MARCHF1: variants seen among roughly 807,000 people sequenced by gnomAD.
MARCHF1 encodes the protein membrane associated ring-CH-type finger 1, also known as E3 ubiquitin-protein ligase MARCHF1.
A neutral mutation model predicts 54.2 loss-of-function variants in MARCHF1; 40 were observed. The observed-to-expected ratio is 0.74, with a 90% CI of 0.57 to 0.96. The LOEUF (loss-of-function observed/expected upper bound fraction) is 0.96, where lower values mean the gene tolerates loss of function less well. Among genes scored for constraint, MARCHF1 ranks in the 40% least tolerant of loss-of-function variants. MARCHF1 has a pLI of 0.00. For synonymous variants in MARCHF1, 236 were observed against 236.3 expected (o/e 1.00, Z 0.01); for missense variants, 586 against 656.5 (o/e 0.89, Z 1.17).
chr4:163,981,218 AGCAT>A (rs1202621292), intron 3 of MARCHF1, among the ~76,000 whole-genome samples: 7 of 152,084 alleles, frequency 4.6e-5, no homozygotes, highest in Non-Finnish European at 7.4e-5. Context: ...TAAAGAATGC[AGCAT>A]GTTGCTTTGT....
intron 3 of MARCHF1, among the ~76,000 whole-genome samples, chr4:163,872,991 C>T (rs551837204): frequency 4.4e-4 from 67 of 152,088 alleles, no homozygotes; most frequent in African/African-American, 1.5e-3. Context: ...TTGCAGTGAG[C>T]CGAGATCGCG....
At chr4:164,005,034 T>C (rs982111913) in intron 2 of MARCHF1, among the ~76,000 whole-genome samples, 3 of 151,482 alleles carry the variant, frequency 2.0e-5, no homozygotes, top group African/African-American at 7.3e-5. Flanking sequence ...TGCAGAAAAT[T>C]AGTACAACCA....
chr4:163,751,861 A>G (rs1746531767), intron 4 of MARCHF1, among the ~76,000 whole-genome samples: 1 of 151,686 alleles, frequency 6.6e-6, no homozygotes, highest in African/African-American at 2.4e-5. Context: ...TGCAGGATGT[A>G]TATGGAAGAA....
chr4:163,904,127 T>C lies in MARCHF1; in HGVS notation c.-38-49958A>G, dbSNP rs962505447. 2.0e-5 allele frequency among the ~76,000 whole-genome samples: 3 copies of C among 152,198 alleles called. No individual in the cohort carries two copies. The East Asian group carries it at 5.8e-4, about 29-fold the overall frequency. On this transcript the variant is annotated intron_variant, in intron 3 of 9. Transcript: ENST00000514618. Reference sequence around the variant, plus strand: ...TGTGACTAATAATATTCCATTTGGCTAATAATATTTTCTGTCTAAAATTAC... The same window carrying C: ...TGTGACTAATAATATTCCATTTGGCCAATAATATTTTCTGTCTAAAATTAC...
At chr4:163,572,472 C>T (rs1739874390) in intron 8 of MARCHF1, among the ~76,000 whole-genome samples, 1 of 152,020 alleles carries the variant, frequency 6.6e-6, no homozygotes, top group African/African-American at 2.4e-5. Flanking sequence ...AAGTGCAGAA[C>T]CAGAATTAAA....
intron 5 of MARCHF1, among the ~76,000 whole-genome samples, chr4:163,667,754 T>C (rs908318904): frequency 2.6e-5 from 4 of 151,882 alleles, no homozygotes; most frequent in Non-Finnish European, 4.4e-5. Context: ...GCCTCCCGAG[T>C]AACTGGAATT....
chr4:163,944,706 T>C (rs1214741479), intron 3 of MARCHF1, among the ~76,000 whole-genome samples: 1 of 152,176 alleles, frequency 6.6e-6, no homozygotes, highest in African/African-American at 2.4e-5. Context: ...ACTGAGGTAA[T>C]AGAAATGTAA....
intron 4 of MARCHF1, among the ~76,000 whole-genome samples, chr4:163,733,258 T>TATACACATATATATATATAC (rs1554008879): frequency 4.4e-5 from 2 of 45,060 alleles, no homozygotes; most frequent in African/African-American, 1.3e-4. Context: ...TATATATATA[T>TATACACATATATATATATAC]ACACACACAC....
intron 7 of MARCHF1, among the ~76,000 whole-genome samples, chr4:163,605,925 A>T (rs951723169): frequency 6.6e-6 from 1 of 152,016 alleles, no homozygotes. Flanking sequence ...GGGCTAGGGG[A>T]GGGATGGCAT....
intron 3 of MARCHF1, among the ~76,000 whole-genome samples, chr4:163,883,424 A>C (rs10030506): frequency 0.96 from 145,253 of 150,686 alleles, 70,238 homozygotes; most frequent in East Asian, 1. Context: ...TTCTGAACTG[A>C]ATTCTTTATT....
intron 2 of MARCHF1, among the ~76,000 whole-genome samples, chr4:164,095,990 T>C (rs1755402116): frequency 6.6e-6 from 1 of 152,122 alleles, no homozygotes; most frequent in Non-Finnish European, 1.5e-5. Context: ...GTTAAGCCAC[T>C]GTGGAAAGCA....
intron 4 of MARCHF1, among the ~76,000 whole-genome samples, chr4:163,731,639 T>C (rs575105822): frequency 3.2e-4 from 49 of 152,202 alleles, no homozygotes; most frequent in African/African-American, 1.2e-3. Flanking sequence ...GCTCCAGAGA[T>C]CTGCAGGAGA....
chr4:164,084,514 GAAT>G (rs1560896478), intron 2 of MARCHF1, among the ~76,000 whole-genome samples: 4 of 151,824 alleles, frequency 2.6e-5, no homozygotes, highest in East Asian at 3.9e-4. Context: ...TTTATTTGTA[GAAT>G]AATGTCATTA....
At chr4:164,334,747 T>C (rs181929193) in intron 1 of MARCHF1, among the ~76,000 whole-genome samples, 1 of 152,366 alleles carries the variant, frequency 6.6e-6, no homozygotes, top group Admixed American at 6.5e-5. Context: ...ATTCCTTTGA[T>C]GGATCTGGGC....
chr4:163,923,080 A>G (rs1472368067), intron 3 of MARCHF1, among the ~76,000 whole-genome samples: 1 of 152,200 alleles, frequency 6.6e-6, no homozygotes, highest in African/African-American at 2.4e-5. Flanking sequence ...AAAAGTTGTT[A>G]AAATATGTGT....
At chr4:164,241,135 G>C (rs1579650566) in intron 1 of MARCHF1, among the ~76,000 whole-genome samples, 1 of 152,148 alleles carries the variant, frequency 6.6e-6, no homozygotes, top group Non-Finnish European at 1.5e-5. Flanking sequence ...CCAAGGAACT[G>C]ACTCAACTCG....
chr4:163,586,295 T>C (rs980884358), intron 7 of MARCHF1, among the ~76,000 whole-genome samples: 3 of 152,158 alleles, frequency 2.0e-5, no homozygotes, highest in African/African-American at 7.2e-5. Flanking sequence ...ATATGAAACA[T>C]AAATGAATTC....
intron 4 of MARCHF1, among the ~76,000 whole-genome samples, chr4:163,711,947 G>A (rs1745119671): frequency 6.6e-6 from 1 of 151,962 alleles, no homozygotes; most frequent in Admixed American, 6.6e-5. Context: ...TGCTATTTTT[G>A]TCACATTAAT....
intron 3 of MARCHF1, among the ~76,000 whole-genome samples, chr4:163,887,440 G>A (rs1750563488): frequency 6.6e-6 from 1 of 152,106 alleles, no homozygotes; most frequent in Non-Finnish European, 1.5e-5. Flanking sequence ...GTGTCCCAGA[G>A]TTTGCTACTC....
Sources: allele counts gnomAD v4.1 joint callset (sites outside exome capture counted in the v4.1 genomes callset), GRCh38; gene constraint gnomAD v4.1.1; transcripts MANE v1.5; gene names NCBI Gene and HGNC (gene_info 2026-07-23, HGNC 2026-07-21).